The following CATSPER2 variants were observed in gnomAD, a reference collection of about 807,000 sequenced individuals.
The protein encoded by CATSPER2 is cation channel sperm-associated protein 2.
CATSPER2 carries 56 observed loss-of-function variants against 68.8 expected under a neutral mutation model. The observed-to-expected ratio is 0.81, with a 90% CI of 0.66 to 1.02. The LOEUF is 1.02. Among genes scored for constraint, CATSPER2 ranks in the 50% least tolerant of loss-of-function variants. The pLI, the probability that CATSPER2 is intolerant of heterozygous loss-of-function variation, is 0.00. For synonymous variants in CATSPER2, 198 were observed against 229.9 expected (o/e 0.86, Z 1.26); for missense variants, 582 against 642.0 (o/e 0.91, Z 1.01).
intron 7 of CATSPER2, among the ~76,000 whole-genome samples, chr15:43,636,856 C>A (rs2085974042): frequency 6.7e-6 from 1 of 149,042 alleles, no homozygotes; most frequent in Non-Finnish European, 1.5e-5. Context: ...GAGACAGAGT[C>A]TCACTCTATC....
Position 43,648,696 on chromosome 15 carries a change from G to C in CATSPER2, c.-70C>G. 6.9e-7 allele frequency: 1 copy of C among 1,455,404 alleles called. No homozygotes were observed. The allele number at this position is 1,455,404 out of a possible 1,614,324, so 90.2% of individuals were successfully genotyped here. ...CTTCCGCCTCCAGCTCAGGTGCCCC[G>C]AGCCTGGCTACCCCTATGCAAGACG... On this transcript the variant is annotated 5_prime_UTR_variant, in exon 1 of 13. Coordinates refer to ENST00000396879, the MANE Select transcript of CATSPER2 (RefSeq NM_172095.4).
At chr15:43,637,606 AAC>A (rs1411423968) in intron 7 of CATSPER2, 1 of 152,006 alleles carries the variant, frequency 6.6e-6, no homozygotes, top group Non-Finnish European at 1.5e-5. Context: ...TCTTCTAGAA[AAC>A]ACTGATTAGT....
intron 4 of CATSPER2, among the ~76,000 whole-genome samples, chr15:43,644,491 G>A (rs1282088826): frequency 1.3e-5 from 2 of 151,746 alleles, no homozygotes; most frequent in African/African-American, 4.8e-5. Flanking sequence ...TTAGATCTAG[G>A]GCAGGGGTCC....
At chr15:43,647,222 T>A (rs947435859) in intron 3 of CATSPER2, 72 bp downstream of exon 3, 49 of 1,578,886 alleles carry the variant, frequency 3.1e-5, no homozygotes, top group Middle Eastern at 1.7e-4. Flanking sequence ...CAGTGGAGTA[T>A]GGGGAGCAAA....
intron 4 of CATSPER2, among the ~76,000 whole-genome samples, chr15:43,641,209 G>A (rs566433098): frequency 4.0e-5 from 6 of 150,520 alleles, no homozygotes; most frequent in South Asian, 2.1e-4. Context: ...CTCCACCTCC[G>A]GGGTTCAAGC....
Position 43,630,393 on chromosome 15 carries a change from T to A in CATSPER2, c.*308A>T. On this transcript the variant is annotated 3_prime_UTR_variant, in exon 13 of 13. Coordinates refer to ENST00000396879, the MANE Select transcript of CATSPER2 (RefSeq NM_172095.4). ...ACACTTATACAGAGTCTCACTCTGT[T>A]GCCCAGGCTGGAGTGCAGTGGTGCA... 2.4e-6 allele frequency: 1 copy of A among 417,928 alleles called. No homozygotes were observed. The allele number at this position is 417,928 out of a possible 1,614,324, so 25.9% of individuals were successfully genotyped here.
rs554323070 is a variant in CATSPER2 at position 43,630,434 on chromosome 15, A to G, written c.*267T>C. ...CAGTGGTGCAATCTTGGCTCACTGC[A>G]ACCTCTGACTCCCAGGTTCAAGTGA... On this transcript the variant is annotated 3_prime_UTR_variant, in exon 13 of 13. Transcript: ENST00000396879. The G allele has an allele frequency of 1.8e-6, 1 of 553,352 alleles. No homozygotes were observed. The highest frequency in any genetic ancestry group is 2.0e-5 in the South Asian group (1 of 49,712). The allele number at this position is 553,352 out of a possible 1,614,324, so 34.3% of individuals were successfully genotyped here. A position where few individuals can be genotyped will look rare whatever the true frequency, so the allele number is the denominator to read the frequency against.
chr15:43,639,446 T>TTTTG, intron 6 of CATSPER2, 197 bp downstream of exon 6: 1 of 540,668 alleles, frequency 1.8e-6, no homozygotes, highest in Non-Finnish European at 3.2e-6. Context: ...TTGGTATTTT[T>TTTTG]AGTAGAGACA....
In CATSPER2 at chr15:43,648,762, C is replaced by G; in HGVS notation, c.-136G>C. 4 of 1,528,068 alleles carry G rather than the reference C, an allele frequency of 2.6e-6. No homozygotes were observed. The highest frequency in any genetic ancestry group is 1.8e-6 in the Non-Finnish European group (2 of 1,141,464). 94.7% of individuals were successfully genotyped at this position (1,528,068 alleles called of 1,614,324 possible). On this transcript the variant is annotated 5_prime_UTR_variant, in exon 1 of 13. Transcript: ENST00000396879. Reference sequence around the variant, plus strand: ...CCCAGCCTCACTGCGCCCCATTCCCCGCCCCGCTCGACCCCCAGGTTTCGG... The same window carrying G: ...CCCAGCCTCACTGCGCCCCATTCCCGGCCCCGCTCGACCCCCAGGTTTCGG...
chr15:43,646,813 T>C (rs1346855871), intron 4 of CATSPER2, among the ~76,000 whole-genome samples: 18 of 151,308 alleles, frequency 1.2e-4, no homozygotes, highest in Middle Eastern at 3.4e-3. Context: ...CTCCTGGGTT[T>C]AAGCGATTCT....
chr15:43,639,786 C>T lies in CATSPER2; in HGVS notation c.574G>A (p.Glu192Lys), dbSNP rs543802442. 13 of 1,611,682 alleles carry T rather than the reference C, an allele frequency of 8.1e-6. No individual in the cohort carries two copies. The highest frequency in any genetic ancestry group is 1.3e-5 in the African/African-American group (1 of 74,738). ...FVVTMLSLLPEVVVLVGVTGQ... is the reference protein window; with the variant it reads ...FVVTMLSLLPKVVVLVGVTGQ... ...GTTACCCCTACCAATACCACAACCT[C>T]GGGAAGCAGGGACTGTGGAAAACAC... is the stretch of plus-strand genomic sequence containing the variant. The change falls in exon 6 of 13, where the codon GAG becomes AAG. Residue 192 changes from glutamate (E) to lysine (K), a missense_variant. Glu to Lys is a moderately conservative substitution (Grantham distance 56). This residue lies in a region of CATSPER2 where 45 missense variants were observed against 80.2 expected (regional missense o/e 0.56). Coordinates refer to ENST00000396879, the MANE Select transcript of CATSPER2 (RefSeq NM_172095.4).
In CATSPER2 at chr15:43,636,156, C is replaced by T. The variant is rs765832340; in HGVS notation, c.906G>A (p.Leu302=). 13 of 1,608,620 alleles carry T rather than the reference C, an allele frequency of 8.1e-6. 1 individual carries two copies. Among genetic ancestry groups the T allele is most frequent in the East Asian group, 2.2e-5 (1 of 44,846 alleles). The change falls in exon 8 of 13, where the codon CTG becomes CTA. Residue 302 remains leucine, a synonymous_variant. Coordinates refer to ENST00000396879, the MANE Select transcript of CATSPER2 (RefSeq NM_172095.4). ...CAGGCACCTTCCAGACGTCCTGAAGCAGTGCATACCAATGATCCAAGGTGA... is the reference window on the plus strand; with the variant it reads ...CAGGCACCTTCCAGACGTCCTGAAGTAGTGCATACCAATGATCCAAGGTGA... ...ILFTLDHWYA[L]LQDVWKVPEV...
rs780837499 is a variant in CATSPER2 at position 43,648,111 on chromosome 15, C to T, written c.-2-48G>A. On this transcript the variant is annotated intron_variant, in intron 1 of 12. Coordinates refer to ENST00000396879, the MANE Select transcript of CATSPER2 (RefSeq NM_172095.4). ...AAGTGTCATTTCATTCTTGGAGCTG[C>T]ACCAAGGATTACAGGTTTTCTGTCC... The T allele has an allele frequency of 3.1e-6, 5 of 1,604,600 alleles. No homozygotes were observed. In the South Asian group the frequency reaches 4.4e-5, roughly 14 times the overall value.
At chr15:43,641,896 C>A (rs1029412831) in intron 4 of CATSPER2, among the ~76,000 whole-genome samples, 29 of 151,440 alleles carry the variant, frequency 1.9e-4, no homozygotes, top group African/African-American at 6.1e-4. Context: ...TGGGGTCTCC[C>A]TATGCTGCCC....
chr15:43,632,028 A>G (rs2085880585), intron 12 of CATSPER2, among the ~76,000 whole-genome samples, 171 bp downstream of exon 12: 1 of 151,972 alleles, frequency 6.6e-6, no homozygotes, highest in Non-Finnish European at 1.5e-5. Context: ...AGTGGGACAC[A>G]TTCCCAGAAT....
chr15:43,637,330 T>C (rs1235835692), intron 7 of CATSPER2, among the ~76,000 whole-genome samples: 1 of 151,890 alleles, frequency 6.6e-6, no homozygotes, highest in Non-Finnish European at 1.5e-5. Flanking sequence ...AATGAATATA[T>C]ACAAATTATA....
rs1023343175 is a variant in CATSPER2 at position 43,629,780 on chromosome 15, A to T, written c.*921T>A. The T allele has an allele frequency of 6.6e-6, 1 of 151,834 alleles. No homozygotes were observed. Among genetic ancestry groups the T allele is most frequent in the Non-Finnish European group, 1.5e-5 (1 of 67,980 alleles). 9.4% of individuals were successfully genotyped at this position (151,834 alleles called of 1,614,324 possible). A position where few individuals can be genotyped will look rare whatever the true frequency, so the allele number is the denominator to read the frequency against. On this transcript the variant is annotated 3_prime_UTR_variant, in exon 13 of 13. Coordinates refer to ENST00000396879, the MANE Select transcript of CATSPER2 (RefSeq NM_172095.4). ...ACTGATTTGAACACTGCCCTGAGCT[A>T]TGGCAAAATGAAATAAAGAGACTTC...
Position 43,640,092 on chromosome 15 carries a change from G to T in CATSPER2, c.561+232C>A. On this transcript the variant is annotated intron_variant, in intron 5 of 12. Coordinates refer to ENST00000396879, the MANE Select transcript of CATSPER2 (RefSeq NM_172095.4). ...AAATAATGCTTGGCACTTAGTAAGT[G>T]CTCAGTAACCGGCAGATGCTCTTGT... The T allele has an allele frequency of 5.6e-6, 8 of 1,438,240 alleles. No homozygotes were observed. In the South Asian group the frequency reaches 1.2e-4, roughly 21 times the overall value. 89.1% of individuals were successfully genotyped at this position (1,438,240 alleles called of 1,614,324 possible). A position where few individuals can be genotyped will look rare whatever the true frequency, so the allele number is the denominator to read the frequency against.
chr15:43,647,598 C>T, intron 2 of CATSPER2, 131 bp from the exon 3 acceptor site: 1 of 879,914 alleles, frequency 1.1e-6, no homozygotes, highest in South Asian at 1.3e-5. Flanking sequence ...CTTCTCACAG[C>T]AACTAAGAAT....
Sources: gnomAD v4.1 joint callset for allele counts (sites outside exome capture counted in the v4.1 genomes callset) on GRCh38, gnomAD v4.1.1 for gene constraint, gnomAD v4.1.1 regional missense constraint, MANE v1.5 for transcripts, NCBI Gene and HGNC (gene_info 2026-07-23, HGNC 2026-07-21) for gene names.